The following NOC3L variants were observed in gnomAD, a reference collection of about 807,000 sequenced individuals.
The protein encoded by NOC3L is NOC3 like DNA replication regulator.
A neutral mutation model predicts 102.5 loss-of-function variants in NOC3L; 85 were observed. The observed-to-expected ratio is 0.83, with a 90% CI of 0.70 to 0.99. The LOEUF is 0.99. Among genes scored for constraint, NOC3L ranks in the 50% least tolerant of loss-of-function variants. The probability of loss-of-function intolerance (pLI) is 0.00; values close to 1 mark genes in which losing one functional copy is unlikely to be tolerated. For missense variants in NOC3L, 878 were observed against 914.9 expected (o/e 0.96, Z 0.52); for synonymous variants, 303 against 309.4 (o/e 0.98, Z 0.22).
At chr10:94,334,742 TAA>T (rs778588597) in intron 19 of NOC3L, 24 bp from the exon 20 acceptor site, 1 of 1,489,828 alleles carries the variant, frequency 6.7e-7, no homozygotes, top group Admixed American at 1.7e-5. Context: ...ACAAAAAATG[TAA>T]AGATACCACC....
chr10:94,344,995 G>A, intron 11 of NOC3L, 62 bp from the exon 12 acceptor site: 2 of 1,153,010 alleles, frequency 1.7e-6, no homozygotes, highest in East Asian at 4.7e-5. Context: ...AAAAGCAGAG[G>A]CAGAATACGT....
rs2054192189 is a variant in NOC3L at position 94,334,291 on chromosome 10, T to C, written c.2289A>G (p.Gln763=). 6.3e-7 allele frequency: 1 copy of C among 1,598,472 alleles called. No individual in the cohort carries two copies. The highest frequency in any genetic ancestry group is 2.2e-5 in the East Asian group (1 of 44,760). Residue 763 remains glutamine, a synonymous_variant, in exon 21 of 21, where the codon CAA becomes CAG. Coordinates refer to ENST00000371361, the MANE Select transcript of NOC3L (RefSeq NM_022451.11). ...AATCTTCATTCAAAAATGAATCCCCTTGTAAAAATTTACCCTAGGAAAATA... is the reference window on the plus strand; with the variant it reads ...AATCTTCATTCAAAAATGAATCCCCCTGTAAAAATTTACCCTAGGAAAATA... ...SNPKIKGKFL[Q]GDSFLNEDLN...
chr10:94,350,172 T>C lies in NOC3L; in HGVS notation c.1069A>G (p.Asn357Asp). 6.2e-7 allele frequency: 1 copy of C among 1,614,182 alleles called. No homozygotes were observed. The highest frequency in any genetic ancestry group is 8.5e-7 in the Non-Finnish European group (1 of 1,180,026). The change falls in exon 9 of 21, where the codon AAC becomes GAC. Residue 357 changes from asparagine (N) to aspartate (D), a missense_variant. Transcript: ENST00000371361. ...AATACGATGATGTTGTTGTGAAAGT[T>C]AAAATGAGGTAGTGCCACCAACAGC... ...CELLVALPHF[N>D]FHNNIIVLIV...
intron 4 of NOC3L, 32 bp from the exon 5 acceptor site, chr10:94,356,623 A>G (rs754178779): frequency 2.7e-5 from 34 of 1,258,662 alleles, no homozygotes; most frequent in Non-Finnish European, 3.8e-5. Context: ...TAAAACTGTG[A>G]TATATACTTA....
At chr10:94,343,941 C>T (rs959238062) in intron 13 of NOC3L, among the ~76,000 whole-genome samples, 1 of 152,290 alleles carries the variant, frequency 6.6e-6, no homozygotes, top group African/African-American at 2.4e-5. Context: ...GGAACGCTAT[C>T]ATGACAACCA....
At chr10:94,359,004 T>C (rs1426116219) in intron 2 of NOC3L, among the ~76,000 whole-genome samples, 1 of 150,520 alleles carries the variant, frequency 6.6e-6, no homozygotes, top group Non-Finnish European at 1.5e-5. Context: ...TCTCCTCTTT[T>C]TATTTAAAAA....
intron 11 of NOC3L, among the ~76,000 whole-genome samples, chr10:94,345,635 C>G (rs1317757469): frequency 1.3e-5 from 2 of 152,100 alleles, no homozygotes; most frequent in African/African-American, 4.8e-5. Flanking sequence ...GCTATCCAAC[C>G]TGCATTAGGA....
Position 94,349,402 on chromosome 10 carries a change from A to AAC in NOC3L, c.1129-26_1129-25dup, listed in dbSNP as rs2054387889. 3 of 1,564,818 alleles carry AAC rather than the reference A, an allele frequency of 1.9e-6. No individual in the cohort carries two copies. The African/African-American group carries it at 4.2e-5, about 22-fold the overall frequency. ...ATCTGAAAAATAAAATGTCATACTT[A>AAC]ACCAGTGTTTCTCAACCTTAGCACT... On this transcript the variant is annotated intron_variant, in intron 9 of 20. Transcript: ENST00000371361.
At chr10:94,344,981 T>A in intron 11 of NOC3L, 48 bp from the exon 12 acceptor site, 1 of 1,368,220 alleles carries the variant, frequency 7.3e-7, no homozygotes, top group Non-Finnish European at 1.0e-6. Flanking sequence ...TACCACAGAG[T>A]GAAAAAAGCA....
At chr10:94,328,181 A>G in the NOC3L span, 15 of 292,632 alleles carry the variant, frequency 5.1e-5, no homozygotes, top group South Asian at 4.6e-4. Context: ...TATAAATGTC[A>G]GCAGTTGGAA....
chr10:94,324,245 A>G, the NOC3L span: 1 of 872,404 alleles, frequency 1.1e-6, no homozygotes, highest in South Asian at 1.3e-5. Context: ...GATCCCCTTC[A>G]TCTCTAGTCT....
chr10:94,350,251 AACT>A lies in NOC3L; in HGVS notation c.987_989del (p.Val330del). 6.2e-7 allele frequency: 1 copy of A among 1,614,142 alleles called. No homozygotes were observed. The highest frequency in any genetic ancestry group is 1.3e-5 in the African/African-American group (1 of 75,038). ...CCAGTCCTTTGTATGCCTTTAAGGA[AACT>A]ACATTACTTTTCTTCAGCTTCCTCT... On this transcript the variant is annotated inframe_deletion, in exon 9 of 21. Coordinates refer to ENST00000371361, the MANE Select transcript of NOC3L (RefSeq NM_022451.11).
At chr10:94,352,175 C>A in intron 8 of NOC3L, 135 bp downstream of exon 8, 1 of 529,886 alleles carries the variant, frequency 1.9e-6, no homozygotes, top group Admixed American at 3.8e-5. Context: ...CAGGATTTGA[C>A]CCCTGGAAGT....
intron 6 of NOC3L, among the ~76,000 whole-genome samples, chr10:94,354,602 C>T (rs1026331667): frequency 6.6e-6 from 1 of 152,138 alleles, no homozygotes; most frequent in African/African-American, 2.4e-5. Context: ...TCCCCTGTAG[C>T]GCGCTTTTTA....
the NOC3L span, among the ~76,000 whole-genome samples, chr10:94,316,065 GCA>G: frequency 6.6e-6 from 1 of 152,128 alleles, no homozygotes; most frequent in African/African-American, 2.4e-5. Context: ...AGCCCTTTAA[GCA>G]CACTGTCAGA....
chr10:94,353,299 T>C (rs905868045), intron 6 of NOC3L, among the ~76,000 whole-genome samples: 2 of 152,210 alleles, frequency 1.3e-5, no homozygotes, highest in Non-Finnish European at 2.9e-5. Context: ...GGATAATTTA[T>C]AAAGAAAAGA....
chr10:94,331,840 T>C (rs1164466181), downstream of NOC3L: 1 of 149,418 alleles, frequency 6.7e-6, no homozygotes, highest in Non-Finnish European at 1.5e-5. Flanking sequence ...TTGAAACACA[T>C]ACTGAGTCTC....
intron 11 of NOC3L, among the ~76,000 whole-genome samples, chr10:94,345,403 T>A (rs1439883945): frequency 6.6e-6 from 1 of 152,144 alleles, no homozygotes; most frequent in Non-Finnish European, 1.5e-5. Context: ...CACATTTACA[T>A]ACAATGCATA....
intron 10 of NOC3L, among the ~76,000 whole-genome samples, chr10:94,348,859 A>T (rs2054379383): frequency 6.6e-6 from 1 of 152,180 alleles, no homozygotes; most frequent in Non-Finnish European, 1.5e-5. Context: ...TGACTGTGGC[A>T]GCAAAAATCT....
Sources: allele counts gnomAD v4.1 joint callset (sites outside exome capture counted in the v4.1 genomes callset), GRCh38; gene constraint gnomAD v4.1.1; transcripts MANE v1.5; gene names NCBI Gene and HGNC (gene_info 2026-07-23, HGNC 2026-07-21).